PHYHD1: variants seen among roughly 807,000 people sequenced by gnomAD.
The protein encoded by PHYHD1 is phytanoyl-CoA dioxygenase domain-containing protein 1.
PHYHD1 carries 42 observed loss-of-function variants against 43.6 expected under a neutral mutation model. That is an observed-to-expected ratio of 0.96 (90% CI 0.75 to 1.25). The LOEUF (loss-of-function observed/expected upper bound fraction) is 1.25, where lower values mean the gene tolerates loss of function less well. Ranked by LOEUF, PHYHD1 falls within the 50% of genes most tolerant of loss-of-function variation. PHYHD1 has a pLI of 0.00. For missense variants in PHYHD1, 342 were observed against 370.8 expected, an observed-to-expected ratio of 0.92 and a Z score of 0.64; for synonymous variants, 139 against 143.6, an observed-to-expected ratio of 0.97 and a Z score of 0.23.
chr9:128,934,075 G>A lies in PHYHD1; in HGVS notation c.316+17G>A. The A allele has an allele frequency of 6.2e-7, 1 of 1,612,166 alleles. No homozygotes were observed. Among genetic ancestry groups the A allele is most frequent in the Non-Finnish European group, 8.5e-7 (1 of 1,178,494 alleles). On this transcript the variant is annotated intron_variant, in intron 6 of 12. Coordinates refer to ENST00000372592, the MANE Select transcript of PHYHD1 (RefSeq NM_001100876.2). Reference sequence around the variant, plus strand: ...TTGGCCACGGTGAGCAGGGGCTTGGGGGTACAGGAAAGAAGATCGGGGAAC... The same window carrying A: ...TTGGCCACGGTGAGCAGGGGCTTGGAGGTACAGGAAAGAAGATCGGGGAAC...
rs769302552 is a variant in PHYHD1 at position 128,927,072 on chromosome 9, T to C, written c.68T>C (p.Phe23Ser). 6.2e-7 allele frequency: 1 copy of C among 1,614,156 alleles called. No individual in the cohort carries two copies. The highest frequency in any genetic ancestry group is 8.5e-7 in the Non-Finnish European group (1 of 1,180,024). ...GATGGATTCCTGGTGCTGGAAGGAT[T>C]CTTGTCTGCGGAAGAGTGTGTGGCC... ...QQDGFLVLEG[F>S]LSAEECVAMQ... The change falls in exon 4 of 13, where the codon TTC becomes TCC. Residue 23 changes from phenylalanine to serine, a missense_variant. Phe to Ser is a radical substitution (Grantham distance 155, BLOSUM62 -2). Transcript: ENST00000372592.
intron 8 of PHYHD1, 53 bp from the exon 9 acceptor site, chr9:128,937,704 C>T: frequency 1.9e-6 from 3 of 1,609,668 alleles, no homozygotes; most frequent in Non-Finnish European, 2.6e-6. Flanking sequence ...TCAGCAAGCC[C>T]AGCTCCTCTC....
At chr9:128,941,351 A>AACCAC (rs780820914) in intron 11 of PHYHD1, 94 bp from the exon 12 acceptor site, 32 of 1,528,270 alleles carry the variant, frequency 2.1e-5, no homozygotes, top group Middle Eastern at 1.9e-4. Context: ...GGGGCCACAA[A>AACCAC]ACCACTGGAA....
In PHYHD1 at chr9:128,936,512, AG is replaced by A; in HGVS notation, c.372+11del. On this transcript the variant is annotated intron_variant, in intron 7 of 12. Coordinates refer to ENST00000372592, the MANE Select transcript of PHYHD1 (RefSeq NM_001100876.2). Reference sequence around the variant, plus strand: ...ACTCCTTCAAGGTGCAGGTGAGCAGAGGTGGGGGTGAGGGCCAGGAGGGTGG... The same window carrying A: ...ACTCCTTCAAGGTGCAGGTGAGCAGAGTGGGGGTGAGGGCCAGGAGGGTGG... The A allele has an allele frequency of 1.2e-6, 2 of 1,613,594 alleles. No homozygotes were observed. The highest frequency in any genetic ancestry group is 1.7e-6 in the Non-Finnish European group (2 of 1,179,908).
At chr9:128,924,114 G>A (rs1428656316) in intron 3 of PHYHD1, among the ~76,000 whole-genome samples, 6 of 151,098 alleles carry the variant, frequency 4.0e-5, no homozygotes, top group Admixed American at 6.6e-5. Flanking sequence ...ACAAGACTGC[G>A]TCTCAAAAAT....
intron 4 of PHYHD1, among the ~76,000 whole-genome samples, chr9:128,928,990 A>G (rs1460925732): frequency 6.6e-6 from 1 of 152,172 alleles, no homozygotes; most frequent in East Asian, 1.9e-4. Context: ...CAATCACGTT[A>G]CCATGAACTG....
chr9:128,926,481 G>A (rs937513400), intron 3 of PHYHD1, among the ~76,000 whole-genome samples: 13 of 151,786 alleles, frequency 8.6e-5, no homozygotes, highest in East Asian at 1.9e-4. Flanking sequence ...TGGAACTCCC[G>A]ACCTTAAGTG....
At chr9:128,938,388 G>A (rs1841478046) in intron 9 of PHYHD1, among the ~76,000 whole-genome samples, 1 of 152,094 alleles carries the variant, frequency 6.6e-6, no homozygotes, top group South Asian at 2.1e-4. Context: ...CTGAGATCTT[G>A]AGCCAGTAGG....
At chr9:128,934,220 T>A (rs933110686) in intron 6 of PHYHD1, among the ~76,000 whole-genome samples, 162 bp downstream of exon 6, 2 of 151,980 alleles carry the variant, frequency 1.3e-5, no homozygotes, top group Non-Finnish European at 2.9e-5. Context: ...AAACCCCATC[T>A]CTACTAAAAA....
chr9:128,921,101 CTT>C lies in PHYHD1; in HGVS notation c.-723_-722del, dbSNP rs1384152008. On this transcript the variant is annotated 5_prime_UTR_variant, in exon 1 of 13. Transcript: ENST00000372592. ...TGGTGGTGTGCAAGTGTTATTCTCTCTTTTTGTTTTTGTTTTTGTTTTTTGAG... is the reference window on the plus strand; with the variant it reads ...TGGTGGTGTGCAAGTGTTATTCTCTCTTTGTTTTTGTTTTTGTTTTTTGAG... The C allele has an allele frequency of 1.3e-5, 2 of 152,204 alleles. No individual in the cohort carries two copies. Among genetic ancestry groups the C allele is most frequent in the Admixed American group, 1.3e-4 (2 of 15,240 alleles). 9.4% of individuals were successfully genotyped at this position (152,204 alleles called of 1,614,324 possible).
chr9:128,930,572 A>T (rs28373373), intron 4 of PHYHD1, among the ~76,000 whole-genome samples: 5 of 149,894 alleles, frequency 3.3e-5, no homozygotes, highest in Non-Finnish European at 4.4e-5. Context: ...ATGGAGGTTG[A>T]GGTGAGCCAA....
Position 128,921,045 on chromosome 9 carries a change from C to G in PHYHD1, c.-783C>G, listed in dbSNP as rs1840987116. ...TTTTCAGAGCCAGCGAGTGGCCCTG[C>G]CAGCTGCTGAGCAGGGCAAGCTGAG... On this transcript the variant is annotated 5_prime_UTR_variant, in exon 1 of 13. Transcript: ENST00000372592. The G allele has an allele frequency of 1.3e-5, 2 of 152,236 alleles. No homozygotes were observed. The highest frequency in any genetic ancestry group is 2.1e-4 in the South Asian group (1 of 4,830). 9.4% of individuals were successfully genotyped at this position (152,236 alleles called of 1,614,324 possible).
intron 4 of PHYHD1, among the ~76,000 whole-genome samples, chr9:128,931,303 G>A (rs1164275699): frequency 6.6e-6 from 1 of 151,932 alleles, no homozygotes; most frequent in African/African-American, 2.4e-5. Context: ...TTAGAGACGT[G>A]GTTTCACCAT....
chr9:128,923,764 C>T (rs1023671145), intron 3 of PHYHD1, among the ~76,000 whole-genome samples: 3 of 152,068 alleles, frequency 2.0e-5, no homozygotes, highest in Non-Finnish European at 4.4e-5. Flanking sequence ...GTGGGAGGAT[C>T]GCTTGTGCAC....
rs1484119902 is a variant in PHYHD1 at position 128,934,017 on chromosome 9, T to G, written c.275T>G (p.Phe92Cys). The change falls in exon 6 of 13, where the codon TTC becomes TGC. Residue 92 changes from phenylalanine to cysteine, a missense_variant. Transcript: ENST00000372592. ...EKGVFDEKGN[F>C]LVPPEKSINK... Reference sequence around the variant, plus strand: ...TCTGTTCTTTGTGCCACAGGAAATTTCCTGGTCCCTCCGGAGAAATCCATC... The same window carrying G: ...TCTGTTCTTTGTGCCACAGGAAATTGCCTGGTCCCTCCGGAGAAATCCATC... 6 of 1,613,898 alleles carry G rather than the reference T, an allele frequency of 3.7e-6. No individual in the cohort carries two copies. Among genetic ancestry groups the G allele is most frequent in the Non-Finnish European group, 4.2e-6 (5 of 1,179,910 alleles).
chr9:128,926,778 C>T (rs1841145903), intron 3 of PHYHD1: 1 of 519,332 alleles, frequency 1.9e-6, no homozygotes, highest in Non-Finnish European at 3.8e-6. Flanking sequence ...CTCATGACCT[C>T]AAGTTATTGC....
chr9:128,935,563 A>C (rs1841403600), intron 6 of PHYHD1, among the ~76,000 whole-genome samples: 1 of 138,888 alleles, frequency 7.2e-6, no homozygotes, highest in East Asian at 2.2e-4. Flanking sequence ...TGTCTCAAAA[A>C]AAAAAAAAAA....
At chr9:128,932,053 T>TCAAACTCC (rs1386986766) in intron 4 of PHYHD1, among the ~76,000 whole-genome samples, 24 of 151,436 alleles carry the variant, frequency 1.6e-4, no homozygotes, top group Admixed American at 1.6e-3. Context: ...CAGGCTGGTC[T>TCAAACTCC]CAAACTCCTG....
intron 3 of PHYHD1, among the ~76,000 whole-genome samples, chr9:128,925,381 G>T (rs1198981217): frequency 6.6e-6 from 1 of 151,402 alleles, no homozygotes; most frequent in African/African-American, 2.4e-5. Context: ...GCCCGCCACC[G>T]CACCTGGCTA....
Sources: allele counts gnomAD v4.1 joint callset (sites outside exome capture counted in the v4.1 genomes callset), GRCh38; gene constraint gnomAD v4.1.1; transcripts MANE v1.5; gene names NCBI Gene and HGNC (gene_info 2026-07-23, HGNC 2026-07-21).